The following EPHA10 variants were observed in gnomAD, a reference collection of about 807,000 sequenced individuals.
EPHA10 encodes ephrin type-A receptor 10.
A neutral mutation model predicts 109.7 loss-of-function variants in EPHA10; 120 were observed. The observed-to-expected ratio is 1.09, with a 90% CI of 0.94 to 1.27. EPHA10 has a LOEUF of 1.27. EPHA10 is among the 50% of genes most tolerant of loss of function. EPHA10 has a pLI of 0.00. For missense variants in EPHA10, 1,396 were observed against 1,411.1 expected (o/e 0.99, Z 0.17); for synonymous variants, 640 against 618.9 (o/e 1.03, Z -0.51).
At chr1:37,731,348 T>C in intron 7 of EPHA10, 63 bp downstream of exon 7, 1 of 1,466,766 alleles carries the variant, frequency 6.8e-7, no homozygotes, top group South Asian at 1.5e-5. Flanking sequence ...TTTGTCTCCC[T>C]ACCTCAGCCC....
intron 6 of EPHA10, among the ~76,000 whole-genome samples, chr1:37,732,240 T>C (rs1246930506): frequency 6.6e-6 from 1 of 152,102 alleles, no homozygotes; most frequent in Non-Finnish European, 1.5e-5. Flanking sequence ...AGTCAGCATT[T>C]CCATCTCCTT....
chr1:37,722,546 C>T (rs1216786768), intron 10 of EPHA10, among the ~76,000 whole-genome samples: 7 of 152,160 alleles, frequency 4.6e-5, no homozygotes, highest in African/African-American at 1.4e-4. Flanking sequence ...AGAGAGCAAG[C>T]GCCGACAGCC....
chr1:37,745,223 C>T (rs1164290476), intron 5 of EPHA10, among the ~76,000 whole-genome samples: 1 of 152,176 alleles, frequency 6.6e-6, no homozygotes, highest in Non-Finnish European at 1.5e-5. Context: ...GTCTGTAATA[C>T]ATATCTATAG....
rs1017646002 is a variant in EPHA10, at chr1:37,752,980, C to T, written c.1253G>A (p.Gly418Asp). The T allele has an allele frequency of 4.8e-6, 6 of 1,255,530 alleles. No homozygotes were observed. The highest frequency in any genetic ancestry group is 2.6e-5 in the South Asian group (1 of 37,818). 77.8% of individuals were successfully genotyped at this position (1,255,530 alleles called of 1,614,324 possible). Residue 418 changes from glycine (G) to aspartate (D), a missense_variant, in exon 5 of 17, where the codon GGC becomes GAC. Gly to Asp is a moderately conservative substitution (Grantham distance 94). Transcript: ENST00000373048. Reference sequence around the variant, plus strand: ...GGCCACGCGCACGGTGTAGCGCGCGCCGGGCCGCAGGTGCAGCAGCGTGGC... The same window carrying T: ...GGCCACGCGCACGGTGTAGCGCGCGTCGGGCCGCAGGTGCAGCAGCGTGGC... The part of the protein sequence containing the change: ...RAATLLHLRP[G>D]ARYTVRVAAL...
At chr1:37,720,675 C>T (rs775203957) in intron 12 of EPHA10, 108 bp downstream of exon 12, 249 of 1,535,830 alleles carry the variant, frequency 1.6e-4, no homozygotes, top group Non-Finnish European at 2.2e-4. Context: ...CAGGTCAGCC[C>T]GGCCAGTGGG....
In EPHA10 at chr1:37,718,387, C is replaced by T; in HGVS notation, c.3012G>A (p.Gln1004=). The change falls in exon 17 of 17, where the codon CAG becomes CAA. Residue 1004 remains glutamine (Q), a synonymous_variant. Coordinates refer to ENST00000373048, the MANE Select transcript of EPHA10 (RefSeq NM_001099439.2). ...LQARVLQLQG[Q]GVQV ...TGGGGTCCACTCACACCTGCACCCC[C>T]TGGCCCTGCAGCTGGAGCACTCGTG... is the stretch of plus-strand genomic sequence containing the variant. 1.9e-6 allele frequency: 3 copies of T among 1,610,666 alleles called. No homozygotes were observed. Among genetic ancestry groups the T allele is most frequent in the Non-Finnish European group, 2.5e-6 (3 of 1,178,554 alleles).
rs758595832 is a variant in EPHA10, at chr1:37,723,277, C to T, written c.1834+34G>A. On this transcript the variant is annotated intron_variant, in intron 9 of 16. Coordinates refer to ENST00000373048, the MANE Select transcript of EPHA10 (RefSeq NM_001099439.2). ...GGCTGAGGAGTGAGGCAGGGTGGAG[C>T]CCGCCCCTCCCCAGCCAGGCCCAGC... 1.9e-6 allele frequency: 3 copies of T among 1,610,742 alleles called. No individual in the cohort carries two copies. In the East Asian group the frequency reaches 6.7e-5, roughly 36 times the overall value.
intron 8 of EPHA10, among the ~76,000 whole-genome samples, chr1:37,725,709 TG>T (rs947829050): frequency 6.6e-6 from 1 of 151,214 alleles, no homozygotes; most frequent in African/African-American, 2.4e-5. Flanking sequence ...CCAGGAGAGA[TG>T]GGTGGAGATG....
At chr1:37,761,319 C>A in intron 3 of EPHA10, 86 bp downstream of exon 3, 1 of 1,556,662 alleles carries the variant, frequency 6.4e-7, no homozygotes, top group East Asian at 2.2e-5. Context: ...GACCCCACAC[C>A]CGCCTCTTTC....
Position 37,718,366 on chromosome 1 carries a change from G to T in EPHA10, c.*6C>A. The stretch of plus-strand genomic sequence containing the variant: ...CGGAGTCCTGCCTTGGAAGAATGGG[G>T]TCCACTCACACCTGCACCCCCTGGC... On this transcript the variant is annotated 3_prime_UTR_variant, in exon 17 of 17. Transcript: ENST00000373048. 6.3e-7 allele frequency: 1 copy of T among 1,597,058 alleles called. No individual in the cohort carries two copies. Among genetic ancestry groups the T allele is most frequent in the African/African-American group, 1.3e-5 (1 of 74,718 alleles).
At chr1:37,755,857 AC>A in intron 3 of EPHA10, among the ~76,000 whole-genome samples, 1 of 152,162 alleles carries the variant, frequency 6.6e-6, no homozygotes, top group South Asian at 2.1e-4. Context: ...GGTGGTCCTC[AC>A]CTTGTTCCCT....
chr1:37,740,365 G>T (rs572104046), intron 5 of EPHA10, among the ~76,000 whole-genome samples: 1 of 152,174 alleles, frequency 6.6e-6, no homozygotes, highest in Non-Finnish European at 1.5e-5. Flanking sequence ...GAGAGCAGGG[G>T]CGGGATCTCG....
intron 12 of EPHA10, 29 bp from the exon 13 acceptor site, chr1:37,720,583 C>G: frequency 6.3e-7 from 1 of 1,590,928 alleles, no homozygotes. Flanking sequence ...GAGGCCAGGG[C>G]TGTGCGCTTG....
chr1:37,724,539 G>A (rs915757476), intron 8 of EPHA10, among the ~76,000 whole-genome samples: 5 of 150,944 alleles, frequency 3.3e-5, no homozygotes, highest in South Asian at 2.1e-4. Flanking sequence ...CAAAAGAATC[G>A]CCAGAGGAAC....
At chr1:37,757,223 G>A (rs1646398023) in intron 3 of EPHA10, among the ~76,000 whole-genome samples, 1 of 152,128 alleles carries the variant, frequency 6.6e-6, no homozygotes, top group South Asian at 2.1e-4. Context: ...CTAACCGAGG[G>A]AGAACAAAAG....
At chr1:37,759,917 T>C (rs1373802221) in intron 3 of EPHA10, among the ~76,000 whole-genome samples, 2 of 152,236 alleles carry the variant, frequency 1.3e-5, no homozygotes, top group Non-Finnish European at 2.9e-5. Context: ...AGGTGGATCC[T>C]AACTATATCT....
At chr1:37,762,116 G>A (rs1646439130) in intron 2 of EPHA10, 33 bp from the exon 3 acceptor site, 1 of 1,533,360 alleles carries the variant, frequency 6.5e-7, no homozygotes, top group African/African-American at 1.4e-5. Flanking sequence ...GGGCAGCCCA[G>A]AGCCAAAGTG....
intron 7 of EPHA10, among the ~76,000 whole-genome samples, chr1:37,730,068 C>G (rs1645956724): frequency 6.6e-6 from 1 of 152,106 alleles, no homozygotes; most frequent in Admixed American, 6.6e-5. Context: ...CCCACTACGC[C>G]CACTCCAGCC....
At chr1:37,720,282 G>A in intron 13 of EPHA10, 69 bp downstream of exon 13, 2 of 1,505,644 alleles carry the variant, frequency 1.3e-6, no homozygotes, top group Non-Finnish European at 1.8e-6. Context: ...GAAGTGGGGA[G>A]TTAAGGGCTC....
Sources: allele counts gnomAD v4.1 joint callset (sites outside exome capture counted in the v4.1 genomes callset), GRCh38; gene constraint gnomAD v4.1.1; transcripts MANE v1.5; gene names NCBI Gene and HGNC (gene_info 2026-07-23, HGNC 2026-07-21).